The following ARHGAP18 variants were observed in gnomAD, a reference collection of about 807,000 sequenced individuals.
ARHGAP18 encodes the protein Rho GTPase activating protein 18, also known as rho GTPase-activating protein 18.
A neutral mutation model predicts 86.2 loss-of-function variants in ARHGAP18; 67 were observed. The observed-to-expected ratio is 0.78, with a 90% CI of 0.64 to 0.95. The LOEUF (loss-of-function observed/expected upper bound fraction) is 0.95. ARHGAP18 is among the 40% of genes least tolerant of loss of function. The pLI, the probability that ARHGAP18 is intolerant of heterozygous loss-of-function variation, is 0.00. For missense variants in ARHGAP18, 691 were observed against 780.4 expected (o/e 0.89, Z 1.37); for synonymous variants, 283 against 280.4 (o/e 1.01, Z -0.09).
intron 1 of ARHGAP18, among the ~76,000 whole-genome samples, chr6:129,650,393 A>G: frequency 6.6e-6 from 1 of 152,188 alleles, no homozygotes. Context: ...CACAAGGAAC[A>G]TATACGGGAA....
intron 12 of ARHGAP18, among the ~76,000 whole-genome samples, chr6:129,586,287 C>G (rs1338975889): frequency 1.3e-5 from 2 of 152,164 alleles, no homozygotes; most frequent in Non-Finnish European, 2.9e-5. Context: ...ACATCTGAAG[C>G]ACTGAGACTG....
chr6:129,660,994 G>A (rs1237229024), intron 1 of ARHGAP18, among the ~76,000 whole-genome samples: 1 of 145,626 alleles, frequency 6.9e-6, no homozygotes, highest in Non-Finnish European at 1.5e-5. Context: ...GGAAGAGGAG[G>A]AGGAGAAAAA....
intron 3 of ARHGAP18, among the ~76,000 whole-genome samples, chr6:129,635,594 T>C (rs999827711): frequency 2.0e-5 from 3 of 152,218 alleles, no homozygotes; most frequent in African/African-American, 7.2e-5. Flanking sequence ...CAATTGAAGA[T>C]GGCAGTACAG....
chr6:129,643,307 T>C (rs1395985939), intron 1 of ARHGAP18, among the ~76,000 whole-genome samples: 6 of 152,100 alleles, frequency 3.9e-5, no homozygotes, highest in African/African-American at 1.4e-4. Flanking sequence ...CAGGAGGTAA[T>C]TTAATCATGG....
intron 1 of ARHGAP18, among the ~76,000 whole-genome samples, chr6:129,658,966 TATTTA>T (rs2114517016): frequency 6.6e-6 from 1 of 152,334 alleles, no homozygotes; most frequent in East Asian, 1.9e-4. Flanking sequence ...GGACGAAAGT[TATTTA>T]ATTTTTTTTT....
In ARHGAP18 at chr6:129,676,912, CCTCTT is replaced by C. The variant is rs1260095551; in HGVS notation, c.113+33107_113+33111del. Among the ~76,000 whole-genome samples, 72 of 103,880 alleles carry C rather than the reference CCTCTT, an allele frequency of 6.9e-4. 2 individuals are homozygous for C. Among genetic ancestry groups the C allele is most frequent in the African/African-American group, 2.9e-3 (66 of 22,858 alleles). 68.1% of individuals were successfully genotyped at this position (103,880 alleles called of 152,430 possible). A position where few individuals can be genotyped will look rare whatever the true frequency, so the allele number is the denominator to read the frequency against. The stretch of plus-strand genomic sequence containing the variant: ...TGAAAACAGATGAAAAATTTTTTGT[CCTCTT>C]TTTTTTTTTTTTTTTTTTTTTTTTT... On this transcript the variant is annotated intron_variant, in intron 1 of 14. Coordinates refer to ENST00000368149, the MANE Select transcript of ARHGAP18 (RefSeq NM_033515.3).
chr6:129,585,719 A>T (rs17810708), intron 12 of ARHGAP18, among the ~76,000 whole-genome samples: 13,978 of 152,318 alleles, frequency 0.092, 879 homozygotes, highest in Middle Eastern at 0.17. Flanking sequence ...CCAGGGCCTT[A>T]CACTCATGAC....
intron 1 of ARHGAP18, among the ~76,000 whole-genome samples, chr6:129,658,643 A>C (rs1773889441): frequency 6.6e-6 from 1 of 152,238 alleles, no homozygotes; most frequent in Non-Finnish European, 1.5e-5. Flanking sequence ...AAAGAAAAAC[A>C]ATATATTTTG....
intron 1 of ARHGAP18, among the ~76,000 whole-genome samples, chr6:129,645,813 C>A (rs964045835): frequency 6.6e-6 from 1 of 152,168 alleles, no homozygotes; most frequent in African/African-American, 2.4e-5. Flanking sequence ...CTTTACAGAT[C>A]CTGATGGGCC....
chr6:129,700,465 G>A (rs542078244), intron 1 of ARHGAP18, among the ~76,000 whole-genome samples: 1 of 152,194 alleles, frequency 6.6e-6, no homozygotes, highest in Non-Finnish European at 1.5e-5. Context: ...GATATTAAAT[G>A]TAGTATTGAA....
chr6:129,659,378 A>C (rs945307784), intron 1 of ARHGAP18, among the ~76,000 whole-genome samples: 11 of 152,266 alleles, frequency 7.2e-5, no homozygotes, highest in Non-Finnish European at 1.5e-4. Flanking sequence ...GCAAATATTC[A>C]GAGAAAACCT....
At chr6:129,623,616 T>C (rs1031632703) in intron 5 of ARHGAP18, among the ~76,000 whole-genome samples, 6 of 152,260 alleles carry the variant, frequency 3.9e-5, no homozygotes, top group African/African-American at 1.2e-4. Flanking sequence ...GGAACAGAAA[T>C]GGAACTTAAG....
intron 10 of ARHGAP18, among the ~76,000 whole-genome samples, chr6:129,605,169 C>A (rs1481437526): frequency 6.6e-6 from 1 of 151,914 alleles, no homozygotes; most frequent in Non-Finnish European, 1.5e-5. Flanking sequence ...TATAATTAAA[C>A]CTTTTACAAC....
chr6:129,688,647 C>T (rs1473053634), intron 1 of ARHGAP18, among the ~76,000 whole-genome samples: 1 of 152,150 alleles, frequency 6.6e-6, no homozygotes, highest in Non-Finnish European at 1.5e-5. Context: ...ACAAAATTAG[C>T]CAAGCATGGT....
At chr6:129,701,399 G>A (rs375432370) in intron 1 of ARHGAP18, among the ~76,000 whole-genome samples, 7 of 152,190 alleles carry the variant, frequency 4.6e-5, no homozygotes, top group East Asian at 3.8e-4. Context: ...TCCAGAACAA[G>A]CCAGATCATA....
In ARHGAP18 at chr6:129,576,288, T is replaced by C. The variant is rs888250592; in HGVS notation, c.*2225A>G. On this transcript the variant is annotated 3_prime_UTR_variant, in exon 15 of 15. Coordinates refer to ENST00000368149, the MANE Select transcript of ARHGAP18 (RefSeq NM_033515.3). ...CAGGATATTTATATTCAAGGCTCTA[T>C]GGTATCAAGTTTTTTTTCTCTTTAG... is the stretch of plus-strand genomic sequence containing the variant. The C allele has an allele frequency of 6.6e-6, 1 of 152,146 alleles. No homozygotes were observed. The highest frequency in any genetic ancestry group is 2.4e-5 in the African/African-American group (1 of 41,440). The allele number at this position is 152,146 out of a possible 1,614,324, so 9.4% of individuals were successfully genotyped here. A position where few individuals can be genotyped will look rare whatever the true frequency, so the allele number is the denominator to read the frequency against.
chr6:129,617,636 A>G (rs909994658), intron 6 of ARHGAP18, among the ~76,000 whole-genome samples: 2 of 152,138 alleles, frequency 1.3e-5, no homozygotes, highest in African/African-American at 4.8e-5. Flanking sequence ...AAAACATAAG[A>G]ATTAAAAAAA....
At chr6:129,649,497 T>G (rs1271826794) in intron 1 of ARHGAP18, among the ~76,000 whole-genome samples, 1 of 132,690 alleles carries the variant, frequency 7.5e-6, no homozygotes, top group African/African-American at 2.9e-5. Context: ...GAGGTTGCAG[T>G]GAGCCAAGAT....
rs1584015093 is a variant in ARHGAP18, at chr6:129,578,411, C to A, written c.*102G>T. On this transcript the variant is annotated 3_prime_UTR_variant, in exon 15 of 15. Transcript: ENST00000368149. ...AGAGTCATTTTTAAATACTTGGGTA[C>A]AACTGAATAATATGAGTCCTGCCAT... 1 of 831,666 alleles carries A rather than the reference C, an allele frequency of 1.2e-6. No individual in the cohort carries two copies. The highest frequency in any genetic ancestry group is 2.8e-5 in the East Asian group (1 of 35,772). 51.5% of individuals were successfully genotyped at this position (831,666 alleles called of 1,614,324 possible). A position where few individuals can be genotyped will look rare whatever the true frequency, so the allele number is the denominator to read the frequency against.
Sources: gnomAD v4.1 joint callset for allele counts (sites outside exome capture counted in the v4.1 genomes callset) on GRCh38, gnomAD v4.1.1 for gene constraint, MANE v1.5 for transcripts, NCBI Gene and HGNC (gene_info 2026-07-23, HGNC 2026-07-21) for gene names.